Variants in RABEP1 observed in about 807,000 individuals in gnomAD.
RABEP1 encodes the protein rabaptin, RAB GTPase binding effector protein 1, also known as rab GTPase-binding effector protein 1.
A neutral mutation model predicts 123.4 loss-of-function variants in RABEP1; 51 were observed. The ratio of observed to expected loss-of-function variants is 0.41; its 90% confidence interval spans 0.33 to 0.52. The LOEUF (loss-of-function observed/expected upper bound fraction) is 0.52. RABEP1 is among the 20% of genes least tolerant of loss of function. RABEP1 has a pLI of 0.16. For missense variants in RABEP1, 888 were observed against 996.3 expected, an observed-to-expected ratio of 0.89 and a Z score of 1.46; for synonymous variants, 347 against 355.2, an observed-to-expected ratio of 0.98 and a Z score of 0.26.
At position 5,340,207 on chromosome 17, in the gene RABEP1, C is replaced by T. The variant is rs117232464; in HGVS notation, c.648+2069C>T. Among the ~76,000 whole-genome samples the T allele has an allele frequency of 5.3e-5, 8 of 152,278 alleles. No individual in the cohort carries two copies. In the East Asian group the frequency reaches 5.8e-4, roughly 11 times the overall value. On this transcript the variant is annotated intron_variant, in intron 5 of 17. Transcript: ENST00000537505. ...TCGGTATCCAAGAGTGAGATGGTAT[C>T]GCATACAGTACTAGAACATAATAGT...
chr17:5,382,310 GA>G, intron 17 of RABEP1, among the ~76,000 whole-genome samples: 1 of 151,446 alleles, frequency 6.6e-6, no homozygotes, highest in East Asian at 2.0e-4. Flanking sequence ...TCAAACTCCT[GA>G]CCTCAGGTGA....
chr17:5,332,546 G>A (rs992220876), intron 3 of RABEP1, among the ~76,000 whole-genome samples: 1 of 151,570 alleles, frequency 6.6e-6, no homozygotes, highest in African/African-American at 2.4e-5. Context: ...ACATTGATGA[G>A]CTTCAGCTAA....
At chr17:5,328,039 G>A (rs1906148532) in intron 2 of RABEP1, among the ~76,000 whole-genome samples, 1 of 152,180 alleles carries the variant, frequency 6.6e-6, no homozygotes, top group Non-Finnish European at 1.5e-5. Context: ...TAATTAATGA[G>A]TGAAGTAGTT....
intron 7 of RABEP1, among the ~76,000 whole-genome samples, chr17:5,352,262 G>A (rs1003574864): frequency 6.6e-6 from 1 of 151,042 alleles, no homozygotes; most frequent in Admixed American, 6.6e-5. Flanking sequence ...GCACAATCTT[G>A]GCTCACTGCA....
chr17:5,292,744 C>T (rs1364866478), intron 1 of RABEP1, among the ~76,000 whole-genome samples: 4 of 152,056 alleles, frequency 2.6e-5, no homozygotes, highest in Non-Finnish European at 4.4e-5. Context: ...TGGCATGGTG[C>T]GATCTTGCCC....
At chr17:5,350,720 T>G (rs1908470487) in intron 7 of RABEP1, 91 bp downstream of exon 7, 1 of 1,369,674 alleles carries the variant, frequency 7.3e-7, no homozygotes, top group Admixed American at 2.2e-5. Context: ...AGAGACTGAC[T>G]TAAGCTGCAA....
At chr17:5,327,526 A>C (rs1411620419) in intron 2 of RABEP1, among the ~76,000 whole-genome samples, 2 of 152,096 alleles carry the variant, frequency 1.3e-5, no homozygotes, top group East Asian at 3.9e-4. Flanking sequence ...GTTGACTAAA[A>C]CGTGATTATT....
chr17:5,347,024 C>G (rs1018317827), intron 6 of RABEP1, 99 bp downstream of exon 6: 21 of 991,734 alleles, frequency 2.1e-5, no homozygotes, highest in African/African-American at 3.3e-5. Flanking sequence ...AACAATGCAA[C>G]ATGTTAGTGA....
chr17:5,286,879 G>A (rs1243738310), intron 1 of RABEP1, among the ~76,000 whole-genome samples: 1 of 152,214 alleles, frequency 6.6e-6, no homozygotes, highest in East Asian at 1.9e-4. Flanking sequence ...AGGGGGTGGG[G>A]CTGGTTTTAA....
At chr17:5,299,122 G>C (rs2075109768) in intron 1 of RABEP1, among the ~76,000 whole-genome samples, 1 of 152,228 alleles carries the variant, frequency 6.6e-6, no homozygotes, top group Non-Finnish European at 1.5e-5. Context: ...TTGTGTGTGT[G>C]TGGAGGGGGT....
At chr17:5,342,087 A>G (rs1418233979) in intron 5 of RABEP1, among the ~76,000 whole-genome samples, 1 of 152,230 alleles carries the variant, frequency 6.6e-6, no homozygotes, top group Non-Finnish European at 1.5e-5. Context: ...TGTTAGACCT[A>G]ATAAGAGTTC....
Position 5,383,366 on chromosome 17 carries a change from A to G in RABEP1, c.*143A>G. 1.4e-6 allele frequency: 1 copy of G among 699,828 alleles called. No homozygotes were observed. The highest frequency in any genetic ancestry group is 2.7e-5 in the East Asian group (1 of 36,646). 43.4% of individuals were successfully genotyped at this position (699,828 alleles called of 1,614,324 possible). A position where few individuals can be genotyped will look rare whatever the true frequency, so the allele number is the denominator to read the frequency against. ...GAGAAATGCTTACTTCTAGAGGGAG[A>G]AGACTGTGCGGCACAGGAAACAGCA... On this transcript the variant is annotated 3_prime_UTR_variant, in exon 18 of 18. Coordinates refer to ENST00000537505, the MANE Select transcript of RABEP1 (RefSeq NM_004703.6).
At chr17:5,294,169 G>A (rs1461066935) in intron 1 of RABEP1, among the ~76,000 whole-genome samples, 1 of 152,092 alleles carries the variant, frequency 6.6e-6, no homozygotes, top group African/African-American at 2.4e-5. Context: ...AGGCTGAGGC[G>A]GGGGAATCAT....
At chr17:5,336,722 G>A (rs965189883) in intron 4 of RABEP1, 1 of 240,712 alleles carries the variant, frequency 4.2e-6, no homozygotes, top group East Asian at 1.0e-4. Context: ...TTTTTTTCCT[G>A]TTGTTTTTTA....
At chr17:5,335,577 G>A (rs1311572560) in intron 4 of RABEP1, among the ~76,000 whole-genome samples, 5 of 151,852 alleles carry the variant, frequency 3.3e-5, no homozygotes, top group African/African-American at 9.7e-5. Context: ...CCGACCACCC[G>A]CCATTTAACA....
At chr17:5,294,788 C>G (rs1003320034) in intron 1 of RABEP1, among the ~76,000 whole-genome samples, 2 of 150,732 alleles carry the variant, frequency 1.3e-5, no homozygotes, top group Non-Finnish European at 3.0e-5. Context: ...GCTGGGACTA[C>G]AGGCGCCTGC....
At chr17:5,341,892 C>A (rs1386726759) in intron 5 of RABEP1, among the ~76,000 whole-genome samples, 1 of 152,166 alleles carries the variant, frequency 6.6e-6, no homozygotes, top group Non-Finnish European at 1.5e-5. Flanking sequence ...TAGTAAAGGG[C>A]TATTTATCAA....
chr17:5,373,205 C>A, intron 12 of RABEP1, 109 bp from the exon 13 acceptor site: 1 of 986,522 alleles, frequency 1.0e-6, no homozygotes, highest in Non-Finnish European at 1.4e-6. Flanking sequence ...TTCACCATAC[C>A]CCGTCCATCC....
intron 3 of RABEP1, among the ~76,000 whole-genome samples, chr17:5,333,177 T>G (rs1906728727): frequency 6.6e-6 from 1 of 152,148 alleles, no homozygotes; most frequent in Non-Finnish European, 1.5e-5. Context: ...ATTTTTTACT[T>G]TTTGAGATGG....
Sources: gnomAD v4.1 joint callset for allele counts (sites outside exome capture counted in the v4.1 genomes callset) on GRCh38, gnomAD v4.1.1 for gene constraint, MANE v1.5 for transcripts, NCBI Gene and HGNC (gene_info 2026-07-23, HGNC 2026-07-21) for gene names.